Variants in OTUD5 observed in about 807,000 individuals in gnomAD.
OTUD5 encodes the protein OTU deubiquitinase 5, also known as OTU domain-containing protein 5.
Under a neutral mutation model 36.3 loss-of-function variants are expected in OTUD5, and 2 were observed. The ratio of observed to expected loss-of-function variants is 0.06; its 90% confidence interval spans 0.02 to 0.17. OTUD5 has a LOEUF of 0.17. Ranked by LOEUF, OTUD5 falls within the 10% of genes least tolerant of loss-of-function variation. OTUD5 has a pLI of 1.00. For synonymous variants in OTUD5, 234 were observed against 214.9 expected (o/e 1.09, Z -0.78); for missense variants, 233 against 512.3 (o/e 0.45, Z 5.26).
chrX:48,951,552 T>C (rs1184902582), intron 1 of OTUD5, among the ~76,000 whole-genome samples: 44 of 108,319 alleles, frequency 4.1e-4, no homozygotes, highest in African/African-American at 1.4e-3. Context: ...GAGGTGGAGG[T>C]TGCAGTGAGC....
At chrX:48,956,867 G>A in intron 1 of OTUD5, 110 bp downstream of exon 1, 1 of 845,894 alleles carries the variant, frequency 1.2e-6, no homozygotes, top group Non-Finnish European at 1.6e-6. Context: ...CAGGCCCAGT[G>A]AAAACGCCTA....
At chrX:48,928,912 GA>G (rs2063707415) in intron 5 of OTUD5, among the ~76,000 whole-genome samples, 1 of 107,795 alleles carries the variant, frequency 9.3e-6, no homozygotes, top group African/African-American at 3.4e-5. Context: ...AACCCACAAA[GA>G]CAATAGTGTT....
intron 5 of OTUD5, among the ~76,000 whole-genome samples, chrX:48,926,855 CTA>C (rs1441692740): frequency 9.0e-6 from 1 of 111,174 alleles, no homozygotes; most frequent in African/African-American, 3.3e-5. Context: ...GTGTGGGGTG[CTA>C]TGAGTTACAG....
chrX:48,934,354 A>G (rs2063800217), intron 5 of OTUD5, 110 bp downstream of exon 5: 1 of 567,113 alleles, frequency 1.8e-6, no homozygotes, highest in Non-Finnish European at 2.8e-6. Context: ...GTGAGACCTC[A>G]GGGGAGAGAG....
intron 5 of OTUD5, among the ~76,000 whole-genome samples, chrX:48,927,142 T>C (rs1439941477): frequency 8.9e-6 from 1 of 111,901 alleles, no homozygotes; most frequent in African/African-American, 3.3e-5. Context: ...AAAACTATGT[T>C]AGAACAAGCC....
At chrX:48,931,134 T>G (rs2063745626) in intron 5 of OTUD5, among the ~76,000 whole-genome samples, 1 of 111,712 alleles carries the variant, frequency 9.0e-6, no homozygotes, top group South Asian at 3.7e-4. Context: ...GGGCTGCACA[T>G]AGTGACTTCC....
At chrX:48,948,808 C>T (rs1334445360) in intron 1 of OTUD5, among the ~76,000 whole-genome samples, 1 of 111,911 alleles carries the variant, frequency 8.9e-6, no homozygotes, top group Non-Finnish European at 1.9e-5. Flanking sequence ...GTGAACCTTG[C>T]AAACTCATCG....
At chrX:48,956,184 T>A (rs1196730056) in intron 1 of OTUD5, among the ~76,000 whole-genome samples, 1 of 111,883 alleles carries the variant, frequency 8.9e-6, no homozygotes, top group Non-Finnish European at 1.9e-5. Flanking sequence ...AGAAAGGAGA[T>A]AAGTAAAGCT....
At chrX:48,942,707 C>T (rs1185630080) in intron 2 of OTUD5, among the ~76,000 whole-genome samples, 1 of 108,071 alleles carries the variant, frequency 9.3e-6, no homozygotes, top group African/African-American at 3.4e-5. Context: ...ACCATTCACT[C>T]CACCCTTTCA....
In OTUD5 at chrX:48,923,696, C is replaced by T. The variant is rs2063617739; in HGVS notation, c.1516G>A (p.Val506Met). Residue 506 changes from valine to methionine, a missense_variant, in exon 8 of 9, where the codon GTG becomes ATG. Val to Met is a conservative substitution (Grantham distance 21). Coordinates refer to ENST00000376488, the MANE Select transcript of OTUD5 (RefSeq NM_001136157.2). Reference protein sequence around the residue: ...AGADRATSPLVSLYPALECRA... With the variant: ...AGADRATSPLMSLYPALECRA... The stretch of plus-strand genomic sequence containing the variant: ...CACTCCAAAGCAGGGTAGAGGGACA[C>T]AAGGGGGGAAGTTGCCCGGTCGGCC... 1 of 1,208,157 alleles carries T rather than the reference C, an allele frequency of 8.3e-7. No individual in the cohort carries two copies. The highest frequency in any genetic ancestry group is 2.2e-5 in the Admixed American group (1 of 45,638).
chrX:48,926,270 T>G (rs2063664125), intron 5 of OTUD5, among the ~76,000 whole-genome samples: 1 of 111,092 alleles, frequency 9.0e-6, no homozygotes, highest in Non-Finnish European at 1.9e-5. Flanking sequence ...CCTATGCTTG[T>G]AAGACCTGAC....
chrX:48,937,234 C>T (rs1158295521), intron 2 of OTUD5, among the ~76,000 whole-genome samples: 2 of 112,120 alleles, frequency 1.8e-5, no homozygotes, highest in African/African-American at 6.5e-5. Context: ...GGGCCCCCTG[C>T]TGCTGCCTTT....
At chrX:48,924,680 T>G (rs1298740734) in intron 6 of OTUD5, among the ~76,000 whole-genome samples, 1 of 111,622 alleles carries the variant, frequency 9.0e-6, no homozygotes, top group African/African-American at 3.3e-5. Flanking sequence ...CTCCCCTCCA[T>G]GTGCGCTCAG....
chrX:48,949,767 C>A (rs2064100243), intron 1 of OTUD5, among the ~76,000 whole-genome samples: 2 of 110,678 alleles, frequency 1.8e-5, no homozygotes, highest in South Asian at 7.7e-4. Context: ...GCTGGAGGAT[C>A]ACTTGAGTCC....
In OTUD5 at chrX:48,922,866, C is replaced by T. The variant is rs2063602583; in HGVS notation, c.*308G>A. On this transcript the variant is annotated 3_prime_UTR_variant, in exon 9 of 9. Transcript: ENST00000376488. ...GCTGCCTGGCTGCCAGTTGGTCTGT[C>T]TCTGTGTGCCTCTTGTCTATCTTCG... The T allele has an allele frequency of 1.1e-6, 1 of 895,971 alleles. No individual in the cohort carries two copies. The highest frequency in any genetic ancestry group is 6.3e-5 in the East Asian group (1 of 15,780). The allele number at this position is 895,971 out of a possible 1,213,427, so 73.8% of individuals were successfully genotyped here.
intron 2 of OTUD5, among the ~76,000 whole-genome samples, chrX:48,943,393 G>A (rs1420112046): frequency 8.9e-6 from 1 of 112,007 alleles, no homozygotes; most frequent in African/African-American, 3.2e-5. Context: ...AAGAGAGTAA[G>A]TCTGTATCTG....
At chrX:48,958,312 A>G (rs1192651271), upstream of OTUD5, 1 of 112,605 alleles carries the variant, frequency 8.9e-6, no homozygotes, top group Non-Finnish European at 1.9e-5. Flanking sequence ...CAGGATTCCA[A>G]CTTGAACGCT....
rs781905691 is a variant in OTUD5 at position 48,950,537 on chromosome X, CTTTTTTTTTTT to C, written c.595-6265_595-6255del. The stretch of plus-strand genomic sequence containing the variant: ...TGTGACAGAATAAACTTCTCTCTCT[CTTTTTTTTTTT>C]TTTTTTTTTTTTGAGATGGAGTCTC... On this transcript the variant is annotated intron_variant, in intron 1 of 8. Transcript: ENST00000376488. Among the ~76,000 whole-genome samples the C allele has an allele frequency of 4.8e-5, 4 of 83,074 alleles. No individual in the cohort carries two copies. The East Asian group carries it at 1.1e-3, about 23-fold the overall frequency. The allele number at this position is 83,074 out of a possible 115,157, so 72.1% of individuals were successfully genotyped here. A position where few individuals can be genotyped will look rare whatever the true frequency, so the allele number is the denominator to read the frequency against.
chrX:48,937,646 A>G (rs2063849901), intron 2 of OTUD5, among the ~76,000 whole-genome samples: 1 of 112,528 alleles, frequency 8.9e-6, no homozygotes, highest in Admixed American at 9.4e-5. Context: ...GTAGCAATGG[A>G]TAAGGCCTTT....
Sources: gnomAD v4.1 joint callset for allele counts (sites outside exome capture counted in the v4.1 genomes callset) on GRCh38, gnomAD v4.1.1 for gene constraint, MANE v1.5 for transcripts, NCBI Gene and HGNC (gene_info 2026-07-23, HGNC 2026-07-21) for gene names.